ZNF430: variants seen among roughly 807,000 people sequenced by gnomAD.
ZNF430 encodes the protein zinc finger protein 430.
A neutral mutation model predicts 56.7 loss-of-function variants in ZNF430; 35 were observed. That is an observed-to-expected ratio of 0.62 (90% CI 0.47 to 0.82). ZNF430 has a LOEUF of 0.82. Ranked by LOEUF, ZNF430 falls within the 40% of genes least tolerant of loss-of-function variation. The pLI, the probability that ZNF430 is intolerant of heterozygous loss-of-function variation, is 0.00. For missense variants in ZNF430, 574 were observed against 661.0 expected (o/e 0.87, Z 1.44); for synonymous variants, 212 against 224.3 (o/e 0.94, Z 0.49).
rs1261113316 is a variant in ZNF430, at chr19:21,057,553, C to T, written c.1245C>T (p.Thr415=). 3 of 1,612,548 alleles carry T rather than the reference C, an allele frequency of 1.9e-6. No individual in the cohort carries two copies. The highest frequency in any genetic ancestry group is 1.7e-5 in the Admixed American group (1 of 59,880). ...GCAAAGGCTTTAATTGGTCCTCGAC[C>T]CTTACTAAACATAAAAGAATTCATA... ...ECGKGFNWSS[T]LTKHKRIHTG... The change falls in exon 5 of 5, where the codon ACC becomes ACT. Residue 415 remains threonine (T), a synonymous_variant. Transcript: ENST00000261560.
chr19:21,029,450 G>A (rs560142506), intron 2 of ZNF430, among the ~76,000 whole-genome samples: 1 of 150,650 alleles, frequency 6.6e-6, no homozygotes, highest in Non-Finnish European at 1.5e-5. Flanking sequence ...AAATTGACAG[G>A]GCAGTGGCAA....
intron 4 of ZNF430, among the ~76,000 whole-genome samples, chr19:21,050,205 T>G (rs575121169): frequency 1.3e-5 from 2 of 151,374 alleles, no homozygotes; most frequent in East Asian, 3.9e-4. Flanking sequence ...TTCTAAGATT[T>G]ATTTCATGAA....
At chr19:21,050,897 G>A (rs965152668) in intron 4 of ZNF430, among the ~76,000 whole-genome samples, 48 of 151,974 alleles carry the variant, frequency 3.2e-4, no homozygotes, top group African/African-American at 1.1e-3. Flanking sequence ...GTGTGGTGGC[G>A]AGTGCCTGTA....
intron 1 of ZNF430, 52 bp downstream of exon 1, chr19:21,020,855 G>A (rs777665191): frequency 6.2e-7 from 1 of 1,612,602 alleles, no homozygotes; most frequent in South Asian, 1.1e-5. Flanking sequence ...TGGTTGTAAT[G>A]GGTGGGAAGT....
At chr19:21,042,936 T>C (rs1358501717) in intron 4 of ZNF430, among the ~76,000 whole-genome samples, 1 of 152,224 alleles carries the variant, frequency 6.6e-6, no homozygotes, top group East Asian at 1.9e-4. Context: ...TTTTGAGAAG[T>C]GTCCATGTTC....
intron 4 of ZNF430, among the ~76,000 whole-genome samples, chr19:21,050,697 G>GA (rs111276502): frequency 0.049 from 7,444 of 152,150 alleles, 588 homozygotes; most frequent in African/African-American, 0.17. Context: ...TTACTTGTCA[G>GA]AACCACATAA....
rs1974279993 is a variant in ZNF430, at chr19:21,020,690, C to T, written c.-111C>T. 3 of 1,510,844 alleles carry T rather than the reference C, an allele frequency of 2.0e-6. No homozygotes were observed. Among genetic ancestry groups the T allele is most frequent in the Admixed American group, 1.7e-5 (1 of 58,406 alleles). The allele number at this position is 1,510,844 out of a possible 1,614,324, so 93.6% of individuals were successfully genotyped here. Reference sequence around the variant, plus strand: ...CTGTGGCCTGAGCTCCAGGTCTCGTCTTCAGCGCTCTGTGTCCTCTGCTCC... The same window carrying T: ...CTGTGGCCTGAGCTCCAGGTCTCGTTTTCAGCGCTCTGTGTCCTCTGCTCC... On this transcript the variant is annotated 5_prime_UTR_variant, in exon 1 of 5. Coordinates refer to ENST00000261560, the MANE Select transcript of ZNF430 (RefSeq NM_025189.4).
intron 1 of ZNF430, 47 bp from the exon 2 acceptor site, chr19:21,022,741 GT>G (rs750454808): frequency 1.6e-6 from 2 of 1,284,758 alleles, no homozygotes; most frequent in African/African-American, 2.9e-5. Flanking sequence ...GGTTATGTCA[GT>G]TAGAGTGTCT....
At chr19:21,023,519 C>T (rs752103760) in intron 2 of ZNF430, among the ~76,000 whole-genome samples, 18 of 152,152 alleles carry the variant, frequency 1.2e-4, no homozygotes, top group Non-Finnish European at 1.6e-4. Flanking sequence ...TTTTTACCCC[C>T]AGGGTGAGTT....
At position 21,022,826 on chromosome 19, in the gene ZNF430, C is replaced by T. The variant is rs773654602; in HGVS notation, c.41C>T (p.Ala14Val). The T allele has an allele frequency of 1.2e-6, 2 of 1,613,890 alleles. No homozygotes were observed. Among genetic ancestry groups the T allele is most frequent in the Non-Finnish European group, 1.7e-6 (2 of 1,179,846 alleles). The change falls in exon 2 of 5, where the codon GCA becomes GTA. Residue 14 changes from alanine (A) to valine (V), a missense_variant. By Grantham distance (64) the Ala-to-Val change is moderately conservative (BLOSUM62 0). Transcript: ENST00000261560. ...TCTGGAGTGTATCCTCTCAAGGAAG[C>T]AAGTGGATGCCCTGGGGCTGACAGG... ...LKSGVYPLKEASGCPGADRNL... is the reference protein window; with the variant it reads ...LKSGVYPLKEVSGCPGADRNL...
At position 21,027,064 on chromosome 19, in the gene ZNF430, G is replaced by A. The variant is rs965874697; in HGVS notation, c.96+4183G>A. ...AGGATGGTCTCGATCTCTTGACCTC[G>A]TGATCTGCTCACCTCAGCCTCCCAA... On this transcript the variant is annotated intron_variant, in intron 2 of 4. Coordinates refer to ENST00000261560, the MANE Select transcript of ZNF430 (RefSeq NM_025189.4). 7.2e-5 allele frequency among the ~76,000 whole-genome samples: 11 copies of A among 151,806 alleles called. No individual in the cohort carries two copies. In the East Asian group the frequency reaches 1.2e-3, roughly 16 times the overall value.
chr19:21,027,419 G>T (rs1967824126), intron 2 of ZNF430, among the ~76,000 whole-genome samples: 1 of 152,074 alleles, frequency 6.6e-6, no homozygotes, highest in Non-Finnish European at 1.5e-5. Flanking sequence ...TTTGTTATTA[G>T]TTCTCTTTAT....
chr19:21,052,190 AACTT>A (rs1410698527), intron 4 of ZNF430, among the ~76,000 whole-genome samples: 2 of 152,134 alleles, frequency 1.3e-5, no homozygotes, highest in Admixed American at 6.5e-5. Flanking sequence ...TGTTTTTAAA[AACTT>A]AAAAATTAAA....
intron 4 of ZNF430, among the ~76,000 whole-genome samples, chr19:21,049,734 G>A (rs182928292): frequency 1.3e-5 from 2 of 152,058 alleles, no homozygotes; most frequent in East Asian, 1.9e-4. Flanking sequence ...GTTACATTTC[G>A]TGTAACATTT....
intron 4 of ZNF430, among the ~76,000 whole-genome samples, chr19:21,054,831 C>A (rs962780279): frequency 6.6e-6 from 1 of 151,862 alleles, no homozygotes; most frequent in African/African-American, 2.4e-5. Flanking sequence ...CCCGCCACCA[C>A]GCCCGGCTGA....
Position 21,020,775 on chromosome 19 carries a change from C to T in ZNF430, c.-26C>T. On this transcript the variant is annotated 5_prime_UTR_variant, in exon 1 of 5. The change creates a new upstream start codon in the 5' untranslated region. Coordinates refer to ENST00000261560, the MANE Select transcript of ZNF430 (RefSeq NM_025189.4). ...GGTATTGGGAGATCTACAGCTAAGA[C>T]GCCAGGAACCCCTGGAAGCCTAGAA... 2 of 1,613,628 alleles carry T rather than the reference C, an allele frequency of 1.2e-6. No individual in the cohort carries two copies. The highest frequency in any genetic ancestry group is 1.7e-6 in the Non-Finnish European group (2 of 1,179,706).
chr19:21,023,091 A>G (rs183234251), intron 2 of ZNF430, among the ~76,000 whole-genome samples: 396 of 152,324 alleles, frequency 2.6e-3, no homozygotes, highest in Non-Finnish European at 4.2e-3. Context: ...CAGAAAAAAT[A>G]GTATCCCAAA....
Position 21,056,662 on chromosome 19 carries a change from G to T in ZNF430, c.354G>T (p.Trp118Cys). The T allele has an allele frequency of 6.4e-7, 1 of 1,552,476 alleles. No individual in the cohort carries two copies. Among genetic ancestry groups the T allele is most frequent in the Non-Finnish European group, 8.7e-7 (1 of 1,150,792 alleles). Residue 118 changes from tryptophan (W) to cysteine (C), a missense_variant, in exon 5 of 5, where the codon TGG becomes TGT. By Grantham distance (215) the Trp-to-Cys change is radical. Transcript: ENST00000261560. ...VTYSHFAQDL[W>C]PEQGIKDSFQ... ...ATTCTCATTTTGCCCAAGACCTTTG[G>T]CCAGAGCAGGGCATAAAAGATTCTT...
intron 4 of ZNF430, among the ~76,000 whole-genome samples, chr19:21,054,715 G>A (rs531766502): frequency 3.5e-4 from 39 of 112,318 alleles, no homozygotes; most frequent in African/African-American, 1.2e-3. Flanking sequence ...TCGCTCTGTC[G>A]CCCAGGCTGG....
Sources: allele counts gnomAD v4.1 joint callset (sites outside exome capture counted in the v4.1 genomes callset), GRCh38; gene constraint gnomAD v4.1.1; transcripts MANE v1.5; gene names NCBI Gene and HGNC (gene_info 2026-07-23, HGNC 2026-07-21).